Variants in TIPARP observed in about 807,000 individuals in gnomAD.
TIPARP encodes the protein TCDD inducible poly(ADP-ribose) polymerase.
A neutral mutation model predicts 56.5 loss-of-function variants in TIPARP; 12 were observed. That is an observed-to-expected ratio of 0.21 (90% CI 0.14 to 0.34). The LOEUF (loss-of-function observed/expected upper bound fraction) is 0.34. TIPARP is among the 10% of genes least tolerant of loss of function. TIPARP has a pLI of 1.00. For synonymous variants in TIPARP, 296 were observed against 265.7 expected (o/e 1.11, Z -1.11); for missense variants, 604 against 781.6 (o/e 0.77, Z 2.71).
chr3:156,686,992 GAGATA>G (rs1329322745), intron 2 of TIPARP, among the ~76,000 whole-genome samples: 3 of 151,996 alleles, frequency 2.0e-5, no homozygotes, highest in African/African-American at 7.2e-5. Flanking sequence ...TGTTTACTTT[GAGATA>G]AGATAGAAAC....
chr3:156,697,287 A>C (rs1034019088), intron 4 of TIPARP, among the ~76,000 whole-genome samples: 1 of 152,176 alleles, frequency 6.6e-6, no homozygotes, highest in African/African-American at 2.4e-5. Flanking sequence ...GCAGCTTGGC[A>C]TGCTGAGCCA....
rs529344050 is a variant in TIPARP, at chr3:156,686,989, T to C, written c.918-7031T>C. 2.0e-5 allele frequency among the ~76,000 whole-genome samples: 3 copies of C among 152,322 alleles called. No homozygotes were observed. The South Asian group carries it at 6.2e-4, about 32-fold the overall frequency. ...ATGGGAGGCATTTTTTATTGTTTACTTTGAGATAAGATAGAAACCTCTCAG... is the reference window on the plus strand; with the variant it reads ...ATGGGAGGCATTTTTTATTGTTTACCTTGAGATAAGATAGAAACCTCTCAG... On this transcript the variant is annotated intron_variant, in intron 2 of 5. Coordinates refer to ENST00000295924, the MANE Select transcript of TIPARP (RefSeq NM_015508.5).
In TIPARP at chr3:156,703,274, TAATTA is replaced by T. The variant is rs1722897341; in HGVS notation, c.1248-146_1248-142del. 1.2e-5 allele frequency: 10 copies of T among 851,884 alleles called. 1 individual carries two copies. The highest frequency in any genetic ancestry group is 3.3e-5 in the Admixed American group (1 of 30,212). 52.8% of individuals were successfully genotyped at this position (851,884 alleles called of 1,614,324 possible). ...GATGTTTGCTCCAAGCCTTTTTTTT[TAATTA>T]AATAGATAGCATTTTTTACTTTTAA... On this transcript the variant is annotated intron_variant, in intron 4 of 5. Transcript: ENST00000295924.
Position 156,678,135 on chromosome 3 carries a change from C to T in TIPARP, c.438C>T (p.Thr146=), listed in dbSNP as rs377564237. Residue 146 remains threonine (T), a synonymous_variant, in exon 2 of 6, where the codon ACC becomes ACT. Transcript: ENST00000295924. The part of the protein sequence containing the change: ...PIQDHSFPSE[T]LSGTVADSTP... ...AAGATCACAGCTTTCCATCAGAAAC[C>T]CTCAGTGGGACGGTGGCAGATTCCA... 6.8e-6 allele frequency: 11 copies of T among 1,613,884 alleles called. No individual in the cohort carries two copies. Among genetic ancestry groups the T allele is most frequent in the South Asian group, 1.1e-5 (1 of 91,064 alleles).
In TIPARP at chr3:156,674,761, G is replaced by C. The variant is rs1722068913; in HGVS notation, c.-77G>C. The C allele has an allele frequency of 6.6e-6, 1 of 152,486 alleles. No individual in the cohort carries two copies. The highest frequency in any genetic ancestry group is 1.5e-5 in the Non-Finnish European group (1 of 68,194). 9.4% of individuals were successfully genotyped at this position (152,486 alleles called of 1,614,324 possible). A position where few individuals can be genotyped will look rare whatever the true frequency, so the allele number is the denominator to read the frequency against. The stretch of plus-strand genomic sequence containing the variant: ...CCGGCGCGGGCACTGCTTTCCACTC[G>C]GCTCCTGTCGTCCGTTCTCTCAGGC... On this transcript the variant is annotated 5_prime_UTR_variant, in exon 1 of 6. Transcript: ENST00000295924.
In TIPARP at chr3:156,704,986, A is replaced by G. The variant is rs540401885; in HGVS notation, c.1829A>G (p.Asn610Ser). ...SHGMRRPPPV[N>S]PGSVTSDLYD... ...GGCATGAGAAGGCCCCCGCCAGTCAATCCTGGCAGTGTCACCAGTGACCTT... is the reference window on the plus strand; with the variant it reads ...GGCATGAGAAGGCCCCCGCCAGTCAGTCCTGGCAGTGTCACCAGTGACCTT... Residue 610 changes from asparagine to serine, a missense_variant, in exon 6 of 6, where the codon AAT (asparagine) becomes AGT (serine). Transcript: ENST00000295924. 3.1e-6 allele frequency: 5 copies of G among 1,614,236 alleles called. No homozygotes were observed. Among genetic ancestry groups the G allele is most frequent in the East Asian group, 2.2e-5 (1 of 44,890 alleles).
At chr3:156,693,897 T>A in intron 2 of TIPARP, 123 bp from the exon 3 acceptor site, 1 of 1,143,496 alleles carries the variant, frequency 8.7e-7, no homozygotes, top group Non-Finnish European at 1.2e-6. Context: ...GTAAAGCAAG[T>A]TTTGAAAATT....
chr3:156,688,565 A>G (rs970753309), intron 2 of TIPARP, among the ~76,000 whole-genome samples: 1 of 151,796 alleles, frequency 6.6e-6, no homozygotes, highest in Non-Finnish European at 1.5e-5. Flanking sequence ...AATAAACAAT[A>G]GTTTTGCTTC....
At position 156,695,104 on chromosome 3, in the gene TIPARP, A is replaced by G. The variant is rs188871923; in HGVS notation, c.1087-761A>G. Among the ~76,000 whole-genome samples the G allele has an allele frequency of 1.7e-4, 26 of 152,276 alleles. No homozygotes were observed. The East Asian group carries it at 5.0e-3, about 29-fold the overall frequency. Reference sequence around the variant, plus strand: ...TCCAAATAGAATACAAGGCTGTTTAAAATGTACTCTCAGAATACTCAGACT... The same window carrying G: ...TCCAAATAGAATACAAGGCTGTTTAGAATGTACTCTCAGAATACTCAGACT... On this transcript the variant is annotated intron_variant, in intron 3 of 5. Coordinates refer to ENST00000295924, the MANE Select transcript of TIPARP (RefSeq NM_015508.5).
In TIPARP at chr3:156,695,849, G is replaced by GTTT; in HGVS notation, c.1087-14_1087-12dup. ...TCCTTTTTTTTTTTTTTTTTGTTCTGTTTTCTCCTCCATAGTCTGTCATTC... is the reference window on the plus strand; with the variant it reads ...TCCTTTTTTTTTTTTTTTTTGTTCTGTTTTTTTCTCCTCCATAGTCTGTCATTC... On this transcript the variant is annotated splice_polypyrimidine_tract_variant and intron_variant, in intron 3 of 5. Coordinates refer to ENST00000295924, the MANE Select transcript of TIPARP (RefSeq NM_015508.5). 1 of 656,408 alleles carries GTTT rather than the reference G, an allele frequency of 1.5e-6. No homozygotes were observed. Among genetic ancestry groups the GTTT allele is most frequent in the Non-Finnish European group, 2.0e-6 (1 of 502,926 alleles). The allele number at this position is 656,408 out of a possible 1,614,324, so 40.7% of individuals were successfully genotyped here.
chr3:156,696,131 C>A, intron 4 of TIPARP, 106 bp downstream of exon 4: 2 of 1,185,510 alleles, frequency 1.7e-6, no homozygotes, highest in Non-Finnish European at 2.3e-6. Context: ...GTTAGTACTC[C>A]TAGAATGTGA....
intron 2 of TIPARP, among the ~76,000 whole-genome samples, chr3:156,684,233 T>G (rs964358996): frequency 6.6e-6 from 1 of 152,170 alleles, no homozygotes; most frequent in Non-Finnish European, 1.5e-5. Flanking sequence ...GGTCTTAAGG[T>G]AAAGTGAGTT....
At chr3:156,686,179 T>C (rs1447733702) in intron 2 of TIPARP, among the ~76,000 whole-genome samples, 2 of 152,186 alleles carry the variant, frequency 1.3e-5, no homozygotes, top group East Asian at 1.9e-4. Context: ...TTTCTGACAT[T>C]TGGATTATCC....
At chr3:156,693,983 A>G (rs765985945) in intron 2 of TIPARP, 37 bp from the exon 3 acceptor site, 35 of 1,553,810 alleles carry the variant, frequency 2.3e-5, no homozygotes, top group Middle Eastern at 3.5e-4. Flanking sequence ...ATTTATTAAC[A>G]GGTTTTTGGG....
chr3:156,693,861 C>T (rs575941051), intron 2 of TIPARP, among the ~76,000 whole-genome samples, 159 bp from the exon 3 acceptor site: 4 of 152,166 alleles, frequency 2.6e-5, no homozygotes, highest in East Asian at 1.9e-4. Flanking sequence ...TGGAAACAAC[C>T]GGCAATAAAT....
intron 4 of TIPARP, among the ~76,000 whole-genome samples, chr3:156,702,948 A>G (rs1430431438): frequency 2.6e-5 from 4 of 152,224 alleles, no homozygotes. Flanking sequence ...TTGTTTTTAT[A>G]CAGAAATTAA....
At chr3:156,684,071 A>G (rs1361441601) in intron 2 of TIPARP, among the ~76,000 whole-genome samples, 1 of 152,206 alleles carries the variant, frequency 6.6e-6, no homozygotes, top group Non-Finnish European at 1.5e-5. Flanking sequence ...ACATGTGTAT[A>G]TCATTTTTTG....
chr3:156,681,099 CA>C, intron 2 of TIPARP: 1 of 455,112 alleles, frequency 2.2e-6, no homozygotes, highest in Non-Finnish European at 4.4e-6. Context: ...CCTTGTATTC[CA>C]AAGCGATGTT....
At chr3:156,681,945 CAG>C (rs1284637664) in intron 2 of TIPARP, among the ~76,000 whole-genome samples, 11 of 151,600 alleles carry the variant, frequency 7.3e-5, no homozygotes, top group African/African-American at 2.7e-4. Flanking sequence ...ATTAAGAAAA[CAG>C]AGTCTGGAAC....
Sources: gnomAD v4.1 joint callset for allele counts (sites outside exome capture counted in the v4.1 genomes callset) on GRCh38, gnomAD v4.1.1 for gene constraint, MANE v1.5 for transcripts, NCBI Gene and HGNC (gene_info 2026-07-23, HGNC 2026-07-21) for gene names.